ERMAP: variants seen among roughly 807,000 people sequenced by gnomAD.
ERMAP encodes the protein erythroblast membrane associated protein (Scianna blood group), also known as erythroid membrane-associated protein.
In ERMAP, 34 loss-of-function variants were observed where a neutral mutation model predicts 49.5. The ratio of observed to expected loss-of-function variants is 0.69; its 90% CI spans 0.52 to 0.91. The LOEUF is 0.91. Ranked by LOEUF, ERMAP falls within the 40% of genes least tolerant of loss-of-function variation. The pLI is 0.00. For synonymous variants in ERMAP, 214 were observed against 232.2 expected (o/e 0.92, Z 0.71); for missense variants, 541 against 582.6 (o/e 0.93, Z 0.74).
chr1:42,833,009 G>C (rs1320543426), intron 4 of ERMAP, among the ~76,000 whole-genome samples: 1 of 152,218 alleles, frequency 6.6e-6, no homozygotes, highest in Non-Finnish European at 1.5e-5. Flanking sequence ...CCACTCTCTG[G>C]AAAAAGCTGG....
chr1:42,817,269 C>T lies in ERMAP; in HGVS notation c.-122+16C>T, dbSNP rs954560269. On this transcript the variant is annotated intron_variant, in intron 1 of 11. Coordinates refer to ENST00000372517, the MANE Select transcript of ERMAP (RefSeq NM_001017922.2). ...CTCCGGGAGGGTAATCCTCGCCTTC[C>T]CCCGACCACTGGACCCAGCGCTGCC... The T allele has an allele frequency of 8.1e-7, 1 of 1,241,744 alleles. No homozygotes were observed. Among genetic ancestry groups the T allele is most frequent in the Non-Finnish European group, 1.0e-6 (1 of 964,706 alleles). 76.9% of individuals were successfully genotyped at this position (1,241,744 alleles called of 1,614,324 possible).
Position 42,835,768 on chromosome 1 carries a change from A to C in ERMAP, c.583+4A>C. 1 of 1,609,134 alleles carries C rather than the reference A, an allele frequency of 6.2e-7. No individual in the cohort carries two copies. On this transcript the variant is annotated splice_donor_region_variant and intron_variant, in intron 6 of 11. Coordinates refer to ENST00000372517, the MANE Select transcript of ERMAP (RefSeq NM_001017922.2). ...TATGAACATGTGACGGAGGTGGGTA[A>C]GTGTTCTTGGCTGGGGGGCAGGGGA...
chr1:42,840,716 T>C (rs1311584121), intron 11 of ERMAP, among the ~76,000 whole-genome samples: 2 of 152,216 alleles, frequency 1.3e-5, no homozygotes, highest in South Asian at 4.1e-4. Flanking sequence ...TACTTCCTTA[T>C]AGTATTTTTC....
In ERMAP at chr1:42,843,799, T is replaced by C. The variant is rs888244478; in HGVS notation, c.*567T>C. 4.6e-5 allele frequency: 16 copies of C among 349,046 alleles called. No individual in the cohort carries two copies. Among genetic ancestry groups the C allele is most frequent in the Admixed American group, 9.4e-5 (2 of 21,280 alleles). 21.6% of individuals were successfully genotyped at this position (349,046 alleles called of 1,614,324 possible). ...AAACATACCATCCTTTTCTATTTTC[T>C]TGATGCTGTTTACAACATAGTTTGG... On this transcript the variant is annotated 3_prime_UTR_variant, in exon 12 of 12. Transcript: ENST00000372517.
intron 2 of ERMAP, 194 bp from the exon 3 acceptor site, chr1:42,830,250 G>C (rs1409255634): frequency 3.4e-6 from 2 of 590,572 alleles, no homozygotes; most frequent in Non-Finnish European, 6.1e-6. Flanking sequence ...CCATTTTGAA[G>C]ATGAAGAAAC....
intron 2 of ERMAP, among the ~76,000 whole-genome samples, chr1:42,828,638 G>A (rs909686700): frequency 6.6e-6 from 1 of 152,054 alleles, no homozygotes; most frequent in Non-Finnish European, 1.5e-5. Context: ...TAGGACTACA[G>A]GTGCGTGCCA....
chr1:42,819,737 A>G lies in ERMAP; in HGVS notation c.-122+2484A>G, dbSNP rs1654357892. Among the ~76,000 whole-genome samples the G allele has an allele frequency of 6.6e-6, 1 of 150,646 alleles. No individual in the cohort carries two copies. Among genetic ancestry groups the G allele is most frequent in the African/African-American group, 2.4e-5 (1 of 41,028 alleles). On this transcript the variant is annotated intron_variant, in intron 1 of 11. Transcript: ENST00000372517. This position sits in a 1 kb window ranked among gnomAD's most constrained non-coding sequence, Gnocchi z 5.1. ...AGCCCCTCAGTGGCTGGTACTACAG[A>G]TGTGAACCAGGTCATTTACCAGTGT...
Position 42,830,756 on chromosome 1 carries a change from T to G in ERMAP, c.86-12T>G. On this transcript the variant is annotated splice_polypyrimidine_tract_variant and intron_variant, in intron 3 of 11. Transcript: ENST00000372517. ...GTCCCTCCCAGTTGGCCTTGTCTCT[T>G]TTTTTGTCCAGGCCACGCAGGGGAT... 1 of 1,518,156 alleles carries G rather than the reference T, an allele frequency of 6.6e-7. No individual in the cohort carries two copies. The highest frequency in any genetic ancestry group is 8.8e-7 in the Non-Finnish European group (1 of 1,132,874). The allele number at this position is 1,518,156 out of a possible 1,614,324, so 94.0% of individuals were successfully genotyped here.
At chr1:42,832,428 T>C (rs1431917616) in intron 4 of ERMAP, among the ~76,000 whole-genome samples, 1 of 151,954 alleles carries the variant, frequency 6.6e-6, no homozygotes, top group African/African-American at 2.4e-5. Context: ...AGTGCAATGA[T>C]GCTATCTGGG....
intron 11 of ERMAP, among the ~76,000 whole-genome samples, chr1:42,841,553 A>T (rs1223234545): frequency 1.3e-5 from 2 of 152,234 alleles, no homozygotes; most frequent in Non-Finnish European, 2.9e-5. Context: ...GCAGATAATT[A>T]TAAGTAATAA....
chr1:42,829,224 A>G (rs1447504709), intron 2 of ERMAP, among the ~76,000 whole-genome samples: 1 of 152,246 alleles, frequency 6.6e-6, no homozygotes, highest in Non-Finnish European at 1.5e-5. Context: ...AAGAAAAACA[A>G]GAACAACCCT....
chr1:42,839,156 T>C (rs757850169), intron 8 of ERMAP: 6 of 623,992 alleles, frequency 9.6e-6, no homozygotes, highest in East Asian at 2.8e-5. Context: ...CAGGAAGAGA[T>C]AGATGCATCT....
chr1:42,831,556 T>TG (rs1557609164), intron 4 of ERMAP, among the ~76,000 whole-genome samples: 1 of 40,532 alleles, frequency 2.5e-5, no homozygotes, highest in Non-Finnish European at 3.9e-5. Context: ...AGAGATAGTG[T>TG]TTTTTTTTTT....
rs1032253703 is a variant in ERMAP, at chr1:42,819,100, C to G, written c.-122+1847C>G. ...CTGGAAAAGTAGTGGTGCCACTGAG[C>G]CACTGTTGAAAGTGGAGAAGGTGTG... On this transcript the variant is annotated intron_variant, in intron 1 of 11. Transcript: ENST00000372517. The surrounding 1 kb of genome is among the most constrained non-coding windows in gnomAD (Gnocchi z 5.1). 1.3e-5 allele frequency among the ~76,000 whole-genome samples: 2 copies of G among 151,334 alleles called. No homozygotes were observed. The highest frequency in any genetic ancestry group is 4.9e-5 in the African/African-American group (2 of 41,100).
rs72958998 is a variant in ERMAP, at chr1:42,822,641, C to T, written c.-121-2982C>T. 7.0e-3 allele frequency among the ~76,000 whole-genome samples: 1,073 copies of T among 152,294 alleles called. 13 individuals carry two copies. The highest frequency in any genetic ancestry group is 0.022 in the African/African-American group (934 of 41,554). ...TTGGGGACATTCAGTATCCTTTCTT[C>T]TTTATTTGAAACTACATAATATATT... On this transcript the variant is annotated intron_variant, in intron 1 of 11. Transcript: ENST00000372517.
intron 4 of ERMAP, chr1:42,834,551 G>C (rs1174083113): frequency 6.9e-6 from 2 of 288,742 alleles, no homozygotes; most frequent in South Asian, 3.1e-5. Context: ...GTTTTTGTTT[G>C]TTTGTTTGTT....
In ERMAP at chr1:42,843,875, T is replaced by C; in HGVS notation, c.*643T>C. The C allele has an allele frequency of 2.5e-6, 1 of 395,426 alleles. No individual in the cohort carries two copies. The allele number at this position is 395,426 out of a possible 1,614,324, so 24.5% of individuals were successfully genotyped here. The stretch of plus-strand genomic sequence containing the variant: ...TTTCAAAAGCTAATCTGCCTGTTGA[T>C]GGTAACTAGGTACAGCGACTTTAAA... On this transcript the variant is annotated 3_prime_UTR_variant, in exon 12 of 12. Coordinates refer to ENST00000372517, the MANE Select transcript of ERMAP (RefSeq NM_001017922.2).
chr1:42,831,144 C>T, intron 4 of ERMAP, 29 bp downstream of exon 4: 1 of 1,602,772 alleles, frequency 6.2e-7, no homozygotes, highest in Non-Finnish European at 8.5e-7. Context: ...TGCCCAGGGT[C>T]ATTTGTGGCA....
intron 2 of ERMAP, among the ~76,000 whole-genome samples, chr1:42,826,607 C>T (rs1397632619): frequency 6.6e-6 from 1 of 152,072 alleles, no homozygotes; most frequent in African/African-American, 2.4e-5. Context: ...CCTGTAATCC[C>T]AACACTTTGG....
Sources: allele counts gnomAD v4.1 joint callset (sites outside exome capture counted in the v4.1 genomes callset), GRCh38; gene constraint gnomAD v4.1.1; non-coding constraint Gnocchi (gnomAD v3.1); transcripts MANE v1.5; gene names NCBI Gene and HGNC (gene_info 2026-07-23, HGNC 2026-07-21).